PPP2R5A: variants seen among roughly 807,000 people sequenced by gnomAD.
PPP2R5A encodes the protein serine/threonine-protein phosphatase 2A 56 kDa regulatory subunit alpha isoform.
A neutral mutation model predicts 64.2 loss-of-function variants in PPP2R5A; 25 were observed. The observed-to-expected ratio is 0.39, with a 90% CI of 0.28 to 0.54. The LOEUF (loss-of-function observed/expected upper bound fraction) is 0.54, where lower values mean the gene tolerates loss of function less well. PPP2R5A is among the 20% of genes least tolerant of loss of function. PPP2R5A has a pLI of 0.67. For missense variants in PPP2R5A, 425 were observed against 576.3 expected (o/e 0.74, Z 2.69); for synonymous variants, 198 against 201.2 (o/e 0.98, Z 0.13).
At chr1:212,321,705 T>G (rs1378175465) in intron 1 of PPP2R5A, among the ~76,000 whole-genome samples, 2 of 137,448 alleles carry the variant, frequency 1.5e-5, no homozygotes, top group Non-Finnish European at 3.1e-5. Flanking sequence ...CTTTCCAGAC[T>G]GGGCAGCCAG....
At chr1:212,330,379 A>C (rs951011985) in intron 2 of PPP2R5A, among the ~76,000 whole-genome samples, 8 of 151,938 alleles carry the variant, frequency 5.3e-5, no homozygotes, top group African/African-American at 1.9e-4. Flanking sequence ...AAGTACTAAA[A>C]ATAAAAATAA....
chr1:212,305,151 C>T (rs1350667298), intron 1 of PPP2R5A, among the ~76,000 whole-genome samples: 4 of 151,264 alleles, frequency 2.6e-5, no homozygotes, highest in Non-Finnish European at 5.9e-5. Flanking sequence ...ATTCTCCTGC[C>T]TCAGCCTCCC....
At chr1:212,359,338 G>C (rs1660041099) in intron 12 of PPP2R5A, among the ~76,000 whole-genome samples, 1 of 152,100 alleles carries the variant, frequency 6.6e-6, no homozygotes, top group Non-Finnish European at 1.5e-5. Context: ...GTTCTCCTTT[G>C]GGAAGAGGGA....
At chr1:212,315,139 A>C (rs1367297177) in intron 1 of PPP2R5A, among the ~76,000 whole-genome samples, 1 of 152,276 alleles carries the variant, frequency 6.6e-6, no homozygotes, top group Non-Finnish European at 1.5e-5. Flanking sequence ...ACACATAATC[A>C]GAATATTCTA....
intron 6 of PPP2R5A, 76 bp from the exon 7 acceptor site, chr1:212,348,313 G>T: frequency 2.3e-6 from 2 of 879,482 alleles, no homozygotes; most frequent in Non-Finnish European, 3.8e-6. Context: ...TGTTCCTTAT[G>T]TACTCATGGA....
intron 2 of PPP2R5A, 103 bp downstream of exon 2, chr1:212,329,434 A>G: frequency 2.0e-6 from 2 of 1,020,612 alleles, no homozygotes; most frequent in Non-Finnish European, 2.7e-6. Flanking sequence ...TAATTAATAC[A>G]TCCCCCAAAT....
chr1:212,286,659 A>G (rs1213710464), intron 1 of PPP2R5A, among the ~76,000 whole-genome samples: 1 of 151,886 alleles, frequency 6.6e-6, no homozygotes, highest in Non-Finnish European at 1.5e-5. Context: ...AACCGCACGA[A>G]CCTTCCCCGA....
intron 3 of PPP2R5A, among the ~76,000 whole-genome samples, chr1:212,334,793 G>A (rs1025192035): frequency 8.6e-5 from 13 of 151,980 alleles, no homozygotes; most frequent in East Asian, 1.9e-4. Flanking sequence ...GTGAAAAGTC[G>A]TTTTTCTTTT....
intron 2 of PPP2R5A, among the ~76,000 whole-genome samples, chr1:212,332,953 A>G (rs2995256): frequency 0.83 from 126,020 of 151,464 alleles, 52,847 homozygotes; most frequent in African/African-American, 0.94. Flanking sequence ...CCAGGCTGGA[A>G]TGCAGTGGTA....
At chr1:212,332,431 A>AT (rs538249874) in intron 2 of PPP2R5A, among the ~76,000 whole-genome samples, 44 of 152,314 alleles carry the variant, frequency 2.9e-4, no homozygotes, top group Middle Eastern at 3.4e-3. Context: ...AAAATTGTAG[A>AT]TTAGGACCAC....
intron 1 of PPP2R5A, among the ~76,000 whole-genome samples, chr1:212,312,649 A>AG: frequency 6.6e-6 from 1 of 152,290 alleles, no homozygotes; most frequent in African/African-American, 2.4e-5. Flanking sequence ...AAAACCTAAG[A>AG]GGAGATGGGA....
At chr1:212,318,797 C>G (rs1659206947) in intron 1 of PPP2R5A, among the ~76,000 whole-genome samples, 1 of 152,064 alleles carries the variant, frequency 6.6e-6, no homozygotes, top group Admixed American at 6.6e-5. Flanking sequence ...GTTTACATAG[C>G]ATTTACATTG....
rs1258771434 is a variant in PPP2R5A at position 212,345,767 on chromosome 1, A to T, written c.574-36A>T. 1.9e-6 allele frequency: 3 copies of T among 1,569,380 alleles called. No individual in the cohort carries two copies. The African/African-American group carries it at 4.2e-5, about 22-fold the overall frequency. ...ATTAGAATAAAGCTTTAGCTCGATTATTTTTTAAAAGTAATTTCTCAGGTT... is the reference window on the plus strand; with the variant it reads ...ATTAGAATAAAGCTTTAGCTCGATTTTTTTTTAAAAGTAATTTCTCAGGTT... On this transcript the variant is annotated intron_variant, in intron 4 of 12. Transcript: ENST00000261461.
At chr1:212,351,774 A>G (rs777191057) in intron 8 of PPP2R5A, among the ~76,000 whole-genome samples, 10 of 152,102 alleles carry the variant, frequency 6.6e-5, no homozygotes, top group Non-Finnish European at 1.3e-4. Context: ...AATATTCATT[A>G]CAGCTAAGTT....
At position 212,285,971 on chromosome 1, in the gene PPP2R5A, TCCCGGGGCCGGAGGGC is replaced by T. The variant is rs1486422195; in HGVS notation, c.-138_-123del. 1 of 826,452 alleles carries T rather than the reference TCCCGGGGCCGGAGGGC, an allele frequency of 1.2e-6. No homozygotes were observed. The highest frequency in any genetic ancestry group is 3.5e-5 in the East Asian group (1 of 28,656). 51.2% of individuals were successfully genotyped at this position (826,452 alleles called of 1,614,324 possible). A position where few individuals can be genotyped will look rare whatever the true frequency, so the allele number is the denominator to read the frequency against. On this transcript the variant is annotated 5_prime_UTR_variant, in exon 1 of 13. Coordinates refer to ENST00000261461, the MANE Select transcript of PPP2R5A (RefSeq NM_006243.4). The stretch of plus-strand genomic sequence containing the variant: ...GGCGGCGAGGAGAAGCTCGGCGGCG[TCCCGGGGCCGGAGGGC>T]CGTGGGGCCGGGGCGCAGGGGCGCG...
chr1:212,359,109 AG>A (rs1660036143), intron 12 of PPP2R5A, among the ~76,000 whole-genome samples: 1 of 152,234 alleles, frequency 6.6e-6, no homozygotes, highest in Admixed American at 6.5e-5. Flanking sequence ...TCTGAGCCTT[AG>A]ATTTCCTCAG....
chr1:212,356,818 T>G (rs1659984991), intron 9 of PPP2R5A, 132 bp from the exon 10 acceptor site: 1 of 1,260,726 alleles, frequency 7.9e-7, no homozygotes, highest in Admixed American at 2.8e-5. Flanking sequence ...ACCTGTGCTA[T>G]AGTAAACTCT....
intron 1 of PPP2R5A, among the ~76,000 whole-genome samples, chr1:212,321,318 G>T (rs1659285399): frequency 6.7e-6 from 1 of 148,450 alleles, no homozygotes; most frequent in South Asian, 2.2e-4. Flanking sequence ...CGGGCGAGGG[G>T]CTGACCCCCC....
intron 8 of PPP2R5A, among the ~76,000 whole-genome samples, chr1:212,355,212 T>C (rs1346890171): frequency 1.3e-5 from 2 of 152,186 alleles, no homozygotes; most frequent in Non-Finnish European, 2.9e-5. Context: ...ATAAAGGTAT[T>C]GATTTTTATA....
Sources: allele counts gnomAD v4.1 joint callset (sites outside exome capture counted in the v4.1 genomes callset), GRCh38; gene constraint gnomAD v4.1.1; transcripts MANE v1.5; gene names NCBI Gene and HGNC (gene_info 2026-07-23, HGNC 2026-07-21).